The following PIP4K2A variants were observed in gnomAD, a reference collection of about 807,000 sequenced individuals.
PIP4K2A encodes phosphatidylinositol-5-phosphate 4-kinase type 2 alpha, also known as phosphatidylinositol 5-phosphate 4-kinase type-2 alpha.
A neutral mutation model predicts 42.9 loss-of-function variants in PIP4K2A; 14 were observed. The ratio of observed to expected loss-of-function variants is 0.33; its 90% CI spans 0.22 to 0.51. The LOEUF (loss-of-function observed/expected upper bound fraction) is 0.51. Ranked by LOEUF, PIP4K2A falls within the 20% of genes least tolerant of loss-of-function variation. The probability of loss-of-function intolerance (pLI) is 0.97; values close to 1 mark genes in which losing one functional copy is unlikely to be tolerated. For synonymous variants in PIP4K2A, 192 were observed against 192.2 expected (o/e 1.00, Z 0.01); for missense variants, 434 against 519.8 (o/e 0.83, Z 1.61).
chr10:22,629,245 T>A (rs993492740), intron 1 of PIP4K2A, among the ~76,000 whole-genome samples: 1 of 152,174 alleles, frequency 6.6e-6, no homozygotes, highest in East Asian at 1.9e-4. Context: ...AATGACAGGA[T>A]GGCTATTAAA....
At chr10:22,591,990 G>A (rs771280733) in intron 3 of PIP4K2A, among the ~76,000 whole-genome samples, 1 of 152,198 alleles carries the variant, frequency 6.6e-6, no homozygotes, top group African/African-American at 2.4e-5. Flanking sequence ...AGCTTGAATT[G>A]TACTATGATT....
intron 1 of PIP4K2A, among the ~76,000 whole-genome samples, chr10:22,646,517 T>C (rs2130802747): frequency 6.6e-6 from 1 of 152,286 alleles, no homozygotes; most frequent in East Asian, 1.9e-4. Context: ...ACAAACAGCC[T>C]TGCTCTCTGA....
chr10:22,591,800 AG>A lies in PIP4K2A; in HGVS notation c.340-20del. On this transcript the variant is annotated intron_variant, in intron 3 of 9. Coordinates refer to ENST00000376573, the MANE Select transcript of PIP4K2A (RefSeq NM_005028.5). ...GGGAATTCTTCCCGGGTGGGGTAAG[AG>A]GGGAAGGAAGGCGGGGGAAGATAAC... 1 of 1,592,280 alleles carries A rather than the reference AG, an allele frequency of 6.3e-7. No homozygotes were observed. The highest frequency in any genetic ancestry group is 8.6e-7 in the Non-Finnish European group (1 of 1,168,028).
chr10:22,672,219 A>G (rs1228142386), intron 1 of PIP4K2A, among the ~76,000 whole-genome samples: 1 of 151,172 alleles, frequency 6.6e-6, no homozygotes, highest in Non-Finnish European at 1.5e-5. Context: ...ATAATATATC[A>G]GCATCAGCAT....
At chr10:22,541,113 G>A (rs1244209651) in intron 8 of PIP4K2A, among the ~76,000 whole-genome samples, 1 of 152,210 alleles carries the variant, frequency 6.6e-6, no homozygotes, top group Admixed American at 6.5e-5. Context: ...AAGGTAGGAT[G>A]TAATATTCAA....
chr10:22,634,445 G>A (rs1193022859), intron 1 of PIP4K2A, among the ~76,000 whole-genome samples: 1 of 152,148 alleles, frequency 6.6e-6, no homozygotes, highest in Admixed American at 6.5e-5. Context: ...ACTTTAGAAC[G>A]CTGTATCCGT....
chr10:22,549,790 G>A (rs1161106521), intron 7 of PIP4K2A, among the ~76,000 whole-genome samples: 3 of 124,624 alleles, frequency 2.4e-5, no homozygotes, highest in Non-Finnish European at 4.7e-5. Flanking sequence ...GCAGTGAGCC[G>A]AGATCGCGCC....
At chr10:22,683,965 A>C (rs553940796) in intron 1 of PIP4K2A, among the ~76,000 whole-genome samples, 1 of 152,204 alleles carries the variant, frequency 6.6e-6, no homozygotes, top group East Asian at 1.9e-4. Context: ...CCTGGCTACA[A>C]TAAGCACCAC....
chr10:22,570,216 T>G (rs1836952100), intron 5 of PIP4K2A, among the ~76,000 whole-genome samples: 1 of 152,244 alleles, frequency 6.6e-6, no homozygotes, highest in Admixed American at 6.5e-5. Context: ...CATATGTATC[T>G]TATTTAATTC....
intron 4 of PIP4K2A, among the ~76,000 whole-genome samples, chr10:22,577,624 T>A (rs1837154728): frequency 1.3e-5 from 2 of 152,182 alleles, no homozygotes; most frequent in South Asian, 4.1e-4. Context: ...GCCTCAGGTA[T>A]TCCTCACAGC....
At chr10:22,699,713 G>C (rs1833677215) in intron 1 of PIP4K2A, among the ~76,000 whole-genome samples, 1 of 152,086 alleles carries the variant, frequency 6.6e-6, no homozygotes, top group Non-Finnish European at 1.5e-5. Context: ...TGGGAAACTT[G>C]CAGCCTGGGC....
intron 1 of PIP4K2A, among the ~76,000 whole-genome samples, chr10:22,663,958 A>G (rs1839257388): frequency 6.8e-6 from 1 of 147,210 alleles, no homozygotes; most frequent in South Asian, 2.1e-4. Flanking sequence ...AAATCATAAT[A>G]AATTCCTAGA....
In PIP4K2A at chr10:22,664,064, T is replaced by C. The variant is rs1374191744; in HGVS notation, c.144+50119A>G. Among the ~76,000 whole-genome samples the C allele has an allele frequency of 3.1e-3, 237 of 77,642 alleles. 14 individuals are homozygous for C. Among genetic ancestry groups the C allele is most frequent in the African/African-American group, 0.023 (210 of 9,248 alleles). 50.9% of individuals were successfully genotyped at this position (77,642 alleles called of 152,430 possible). On this transcript the variant is annotated intron_variant, in intron 1 of 9. Coordinates refer to ENST00000376573, the MANE Select transcript of PIP4K2A (RefSeq NM_005028.5). ...ATATATATACATATGTATATATACA[T>C]ATATATATATACGTATATATATATA... is the stretch of plus-strand genomic sequence containing the variant.
intron 1 of PIP4K2A, among the ~76,000 whole-genome samples, chr10:22,620,222 A>G (rs1838292800): frequency 6.6e-6 from 1 of 152,254 alleles, no homozygotes; most frequent in Non-Finnish European, 1.5e-5. Context: ...ATACAAAAGA[A>G]TGTAGTCATG....
At chr10:22,650,093 T>C (rs1193589975) in intron 1 of PIP4K2A, among the ~76,000 whole-genome samples, 1 of 152,188 alleles carries the variant, frequency 6.6e-6, no homozygotes, top group East Asian at 1.9e-4. Flanking sequence ...AAACTAAGTG[T>C]GTGTCCAAAA....
intron 1 of PIP4K2A, among the ~76,000 whole-genome samples, chr10:22,660,109 C>G (rs559856148): frequency 2.6e-5 from 4 of 152,258 alleles, no homozygotes; most frequent in Non-Finnish European, 5.9e-5. Context: ...TGAAAACCGT[C>G]TCACTTCCCC....
At chr10:22,656,018 G>C (rs1255924533) in intron 1 of PIP4K2A, among the ~76,000 whole-genome samples, 1 of 152,200 alleles carries the variant, frequency 6.6e-6, no homozygotes, top group African/African-American at 2.4e-5. Context: ...AATCCTTAAG[G>C]GGCAAGTTCC....
intron 1 of PIP4K2A, among the ~76,000 whole-genome samples, chr10:22,711,651 G>A (rs1392914808): frequency 1.3e-5 from 2 of 152,200 alleles, no homozygotes; most frequent in Non-Finnish European, 2.9e-5. Context: ...TTCAATGAGC[G>A]TTTTACCACA....
intron 3 of PIP4K2A, among the ~76,000 whole-genome samples, chr10:22,607,186 G>A (rs1015276291): frequency 6.6e-6 from 1 of 152,146 alleles, no homozygotes. Flanking sequence ...AATCTGGCTC[G>A]CTATATGAAA....
Sources: gnomAD v4.1 joint callset for allele counts (sites outside exome capture counted in the v4.1 genomes callset) on GRCh38, gnomAD v4.1.1 for gene constraint, MANE v1.5 for transcripts, NCBI Gene and HGNC (gene_info 2026-07-23, HGNC 2026-07-21) for gene names.